The following MYO3B variants were observed in gnomAD, a reference collection of about 807,000 sequenced individuals.
The protein encoded by MYO3B is myosin-IIIb.
MYO3B carries 156 observed loss-of-function variants against 174.6 expected under a neutral mutation model. That is an observed-to-expected ratio of 0.89 (90% CI 0.78 to 1.02). The LOEUF (loss-of-function observed/expected upper bound fraction) is 1.02. MYO3B is among the 50% of genes least tolerant of loss of function. MYO3B has a pLI of 0.00. For synonymous variants in MYO3B, 563 were observed against 569.1 expected (o/e 0.99, Z 0.15); for missense variants, 1,632 against 1,639.4 (o/e 1.00, Z 0.08).
At position 170,397,492 on chromosome 2, in the gene MYO3B, C is replaced by T. The variant is rs1041050847; in HGVS notation, c.1792-2696C>T. On this transcript the variant is annotated intron_variant, in intron 16 of 34. Transcript: ENST00000408978. ...CCTGGCTATATATTTCGTTGTTTCA[C>T]GTATAGAAAATGTAAGTTTTTAAAT... Among the ~76,000 whole-genome samples the T allele has an allele frequency of 8.0e-4, 121 of 152,078 alleles. 1 individual carries two copies. The highest frequency in any genetic ancestry group is 7.1e-3 in the Admixed American group (108 of 15,276).
At chr2:170,325,238 C>T (rs1313348969) in intron 7 of MYO3B, among the ~76,000 whole-genome samples, 3 of 151,920 alleles carry the variant, frequency 2.0e-5, no homozygotes, top group South Asian at 2.1e-4. Context: ...GATGGAGTCT[C>T]GCTTTGTTGC....
chr2:170,552,045 A>G (rs1463165776), intron 32 of MYO3B, among the ~76,000 whole-genome samples: 4 of 152,200 alleles, frequency 2.6e-5, no homozygotes, highest in Non-Finnish European at 2.9e-5. Context: ...CTGTGAGCCA[A>G]TTAAACCTCT....
chr2:170,607,323 G>A (rs537508823), intron 32 of MYO3B, among the ~76,000 whole-genome samples: 1 of 152,334 alleles, frequency 6.6e-6, no homozygotes, highest in South Asian at 2.1e-4. Flanking sequence ...GTGGCTTACA[G>A]CCACAAAGGT....
At chr2:170,372,833 G>T (rs1294457059) in intron 9 of MYO3B, among the ~76,000 whole-genome samples, 1 of 152,158 alleles carries the variant, frequency 6.6e-6, no homozygotes, top group Non-Finnish European at 1.5e-5. Flanking sequence ...AGGAAAGGGG[G>T]TTATTCGGGG....
intron 6 of MYO3B, among the ~76,000 whole-genome samples, chr2:170,228,716 G>T (rs939966723): frequency 4.6e-5 from 7 of 152,040 alleles, no homozygotes; most frequent in African/African-American, 1.4e-4. Flanking sequence ...ATTTGAACCT[G>T]GCTTTATTTC....
chr2:170,448,141 C>T (rs1052471141), intron 23 of MYO3B, among the ~76,000 whole-genome samples: 4 of 152,138 alleles, frequency 2.6e-5, no homozygotes, highest in African/African-American at 9.7e-5. Flanking sequence ...CAAAGGCAGT[C>T]TAGTCCCCAG....
At chr2:170,403,189 A>G (rs2094489407) in intron 19 of MYO3B, among the ~76,000 whole-genome samples, 194 bp downstream of exon 19, 1 of 152,216 alleles carries the variant, frequency 6.6e-6, no homozygotes, top group Admixed American at 6.5e-5. Flanking sequence ...ACATTTCCTC[A>G]CTTGAGTGGA....
At chr2:170,406,913 T>G (rs2094513188) in intron 21 of MYO3B, among the ~76,000 whole-genome samples, 1 of 152,072 alleles carries the variant, frequency 6.6e-6, no homozygotes, top group South Asian at 2.1e-4. Flanking sequence ...CATGAGGACC[T>G]AGGGAGGCAG....
intron 30 of MYO3B, among the ~76,000 whole-genome samples, chr2:170,522,851 G>A (rs914829629): frequency 1.3e-5 from 2 of 152,128 alleles, no homozygotes; most frequent in East Asian, 3.8e-4. Flanking sequence ...TTGAGCTGTA[G>A]CCCTTTTGTA....
chr2:170,418,758 G>A (rs1003662544), intron 22 of MYO3B, among the ~76,000 whole-genome samples: 2 of 152,034 alleles, frequency 1.3e-5, no homozygotes, highest in Non-Finnish European at 2.9e-5. Flanking sequence ...CAAACTGGGG[G>A]AAGGAGGCAG....
chr2:170,358,343 A>G lies in MYO3B; in HGVS notation c.816-10879A>G, dbSNP rs1395928035. On this transcript the variant is annotated intron_variant, in intron 8 of 34. Coordinates refer to ENST00000408978, the MANE Select transcript of MYO3B (RefSeq NM_138995.5). Reference sequence around the variant, plus strand: ...AAATGAAAGAAGCTAGTCACAAAAGACCATACATATTATATGAAATGTCCA... The same window carrying G: ...AAATGAAAGAAGCTAGTCACAAAAGGCCATACATATTATATGAAATGTCCA... Among the ~76,000 whole-genome samples, 7 of 152,262 alleles carry G rather than the reference A, an allele frequency of 4.6e-5. No homozygotes were observed. In the East Asian group the frequency reaches 1.3e-3, roughly 29 times the overall value.
At chr2:170,237,280 C>T (rs567062324) in intron 7 of MYO3B, among the ~76,000 whole-genome samples, 12 of 152,086 alleles carry the variant, frequency 7.9e-5, no homozygotes, top group South Asian at 4.1e-4. Context: ...GAAATGGTGT[C>T]TGGAATGATT....
rs1224306337 is a variant in MYO3B, at chr2:170,321,882, G to A, written c.750-13503G>A. ...TGTAATCCCAGCACTCTGGGAGGCC[G>A]AGGCGGGTGGATTTTGAGGTCAGGA... On this transcript the variant is annotated intron_variant, in intron 7 of 34. Transcript: ENST00000408978. Among the ~76,000 whole-genome samples, 5 of 152,076 alleles carry A rather than the reference G, an allele frequency of 3.3e-5. 1 individual carries two copies. The highest frequency in any genetic ancestry group is 7.4e-5 in the Non-Finnish European group (5 of 68,008).
At chr2:170,250,469 T>G (rs1479885423) in intron 7 of MYO3B, among the ~76,000 whole-genome samples, 19 of 152,236 alleles carry the variant, frequency 1.2e-4, no homozygotes, top group Non-Finnish European at 1.9e-4. Context: ...GGGTGTGGCT[T>G]TTCTGTCCGG....
chr2:170,594,388 A>T (rs540997798), intron 32 of MYO3B, among the ~76,000 whole-genome samples: 11 of 152,182 alleles, frequency 7.2e-5, no homozygotes, highest in Non-Finnish European at 1.2e-4. Flanking sequence ...CTAGGCTTGC[A>T]GGGGACAGCA....
intron 23 of MYO3B, among the ~76,000 whole-genome samples, chr2:170,453,353 C>CT (rs1683707141): frequency 6.7e-6 from 1 of 149,794 alleles, no homozygotes; most frequent in African/African-American, 2.5e-5. Flanking sequence ...TTCACAAATC[C>CT]TTTTTTTCTA....
intron 32 of MYO3B, among the ~76,000 whole-genome samples, chr2:170,623,919 T>G (rs2105345768): frequency 6.6e-6 from 1 of 152,284 alleles, no homozygotes; most frequent in South Asian, 2.1e-4. Flanking sequence ...TCTGTTCTGT[T>G]CCATTGGTCT....
intron 32 of MYO3B, among the ~76,000 whole-genome samples, chr2:170,604,070 A>G (rs1694674031): frequency 6.6e-6 from 1 of 152,216 alleles, no homozygotes; most frequent in Non-Finnish European, 1.5e-5. Flanking sequence ...CTGATAGACT[A>G]TACCATCTAT....
At chr2:170,246,529 G>GACACACACAC (rs58936698) in intron 7 of MYO3B, among the ~76,000 whole-genome samples, 77 of 140,274 alleles carry the variant, frequency 5.5e-4, no homozygotes, top group East Asian at 3.4e-3. Flanking sequence ...TTTGGACATG[G>GACACACACAC]ACACACACAC....
Sources: allele counts gnomAD v4.1 joint callset (sites outside exome capture counted in the v4.1 genomes callset), GRCh38; gene constraint gnomAD v4.1.1; transcripts MANE v1.5; gene names NCBI Gene and HGNC (gene_info 2026-07-23, HGNC 2026-07-21).